The following RASSF3 variants were observed in gnomAD, a reference collection of about 807,000 sequenced individuals.
RASSF3 encodes ras association domain-containing protein 3.
In RASSF3, 19 loss-of-function variants were observed where a neutral mutation model predicts 19.9. That is an observed-to-expected ratio of 0.96 (90% CI 0.67 to 1.40). The LOEUF (loss-of-function observed/expected upper bound fraction) is 1.40. RASSF3 is among the 40% of genes most tolerant of loss of function. RASSF3 has a pLI of 0.00. For missense variants in RASSF3, 306 were observed against 289.8 expected (o/e 1.06, Z -0.41); for synonymous variants, 110 against 104.2 (o/e 1.06, Z -0.34).
At chr12:64,563,694 T>C (rs1306340135) in intron 2 of RASSF3, among the ~76,000 whole-genome samples, 1 of 152,168 alleles carries the variant, frequency 6.6e-6, no homozygotes, top group Non-Finnish European at 1.5e-5. Context: ...AGTCCTGAGG[T>C]CCATTGCGTT....
intron 2 of RASSF3, among the ~76,000 whole-genome samples, chr12:64,569,761 T>G: frequency 1.3e-5 from 2 of 151,372 alleles, no homozygotes; most frequent in Admixed American, 6.6e-5. Context: ...AGATTGGGAG[T>G]TCAAGATCAG....
At chr12:64,601,815 A>T (rs975304132) in intron 2 of RASSF3, among the ~76,000 whole-genome samples, 5 of 151,888 alleles carry the variant, frequency 3.3e-5, no homozygotes, top group African/African-American at 7.3e-5. Flanking sequence ...TCTGTCTCTT[A>T]AAAATAATTA....
At chr12:64,651,918 C>T (rs11175502) in intron 1 of RASSF3, among the ~76,000 whole-genome samples, 9,267 of 152,246 alleles carry the variant, frequency 0.061, 362 homozygotes, top group Non-Finnish European at 0.09. Flanking sequence ...GCCTTGGCCT[C>T]CCAAAGTGCT....
At position 64,642,559 on chromosome 12, in the gene RASSF3, C is replaced by CAA. The variant is rs67771603; in HGVS notation, c.111+31844_111+31845dup. Among the ~76,000 whole-genome samples, 411 of 44,030 alleles carry CAA rather than the reference C, an allele frequency of 9.3e-3. 33 individuals carry two copies. The highest frequency in any genetic ancestry group is 0.015 in the Non-Finnish European group (364 of 24,522). 28.9% of individuals were successfully genotyped at this position (44,030 alleles called of 152,430 possible). A position where few individuals can be genotyped will look rare whatever the true frequency, so the allele number is the denominator to read the frequency against. ...TGGGCGACAGAACGAGACTCCATCT[C>CAA]AAAAAAAAAAAAAAAAAAAAAAAAA... On this transcript the variant is annotated intron_variant, in intron 1 of 4. Transcript: ENST00000542104.
chr12:64,635,894 A>G (rs1184384563), intron 1 of RASSF3, among the ~76,000 whole-genome samples: 1 of 152,174 alleles, frequency 6.6e-6, no homozygotes, highest in African/African-American at 2.4e-5. Context: ...AGGTGAGGAT[A>G]GAGAGGGGGA....
chr12:64,572,401 C>T (rs1455981777), intron 2 of RASSF3, among the ~76,000 whole-genome samples: 3 of 151,856 alleles, frequency 2.0e-5, no homozygotes, highest in African/African-American at 7.3e-5. Flanking sequence ...TAGCCTTCTG[C>T]AAGCCAGGAG....
chr12:64,647,498 C>T (rs533524139), intron 1 of RASSF3, among the ~76,000 whole-genome samples: 1 of 151,642 alleles, frequency 6.6e-6, no homozygotes, highest in East Asian at 1.9e-4. Flanking sequence ...GCAACCTCCG[C>T]CTCCCGATTT....
At chr12:64,661,012 C>T (rs562583130) in intron 1 of RASSF3, among the ~76,000 whole-genome samples, 1 of 152,210 alleles carries the variant, frequency 6.6e-6, no homozygotes, top group South Asian at 2.1e-4. Context: ...CGTGTGCTCT[C>T]AGGGTTTGTT....
At chr12:64,623,198 T>A (rs182400692) in intron 1 of RASSF3, among the ~76,000 whole-genome samples, 4 of 152,220 alleles carry the variant, frequency 2.6e-5, no homozygotes, top group Admixed American at 6.5e-5. Flanking sequence ...AGGAGCAAAA[T>A]TTTTTTAAAT....
chr12:64,618,950 A>G (rs891470763), intron 1 of RASSF3, among the ~76,000 whole-genome samples: 2 of 152,244 alleles, frequency 1.3e-5, no homozygotes, highest in Non-Finnish European at 2.9e-5. Flanking sequence ...AAGAATGTAA[A>G]ATATGATAAT....
intron 3 of RASSF3, among the ~76,000 whole-genome samples, chr12:64,691,152 A>G (rs368662214): frequency 3.3e-5 from 5 of 152,232 alleles, no homozygotes; most frequent in Non-Finnish European, 4.4e-5. Context: ...ATGAGCCACC[A>G]TGCCTGGCTC....
At chr12:64,671,812 TTTCTTCA>T (rs1217460616) in intron 1 of RASSF3, among the ~76,000 whole-genome samples, 4 of 152,370 alleles carry the variant, frequency 2.6e-5, no homozygotes, top group Admixed American at 1.3e-4. Context: ...GAGGGGTATC[TTTCTTCA>T]TTCTTCATTA....
chr12:64,547,350 A>G (rs1189981774), intron 2 of RASSF3, among the ~76,000 whole-genome samples: 2 of 151,888 alleles, frequency 1.3e-5, no homozygotes, highest in Non-Finnish European at 2.9e-5. Context: ...GGCGGATCAC[A>G]AGGTCAAGAG....
chr12:64,519,857 A>T (rs1169735990), intron 1 of RASSF3, among the ~76,000 whole-genome samples: 1 of 152,110 alleles, frequency 6.6e-6, no homozygotes, highest in Non-Finnish European at 1.5e-5. Flanking sequence ...TATATATATA[A>T]GCTCTGAAGA....
intron 1 of RASSF3, among the ~76,000 whole-genome samples, chr12:64,669,890 C>CAAAAAA (rs35671310): frequency 1.9e-5 from 2 of 106,658 alleles, no homozygotes; most frequent in Non-Finnish European, 3.9e-5. Flanking sequence ...TGTAAATTAC[C>CAAAAAA]AAAAAAAAAA....
intron 1 of RASSF3, among the ~76,000 whole-genome samples, chr12:64,615,096 A>G (rs989172753): frequency 1.3e-5 from 2 of 152,206 alleles, no homozygotes; most frequent in African/African-American, 4.8e-5. Flanking sequence ...GCTGTGTTTC[A>G]AAGGATCCAC....
intron 2 of RASSF3, among the ~76,000 whole-genome samples, chr12:64,547,503 G>A (rs1306688970): frequency 6.6e-6 from 1 of 152,082 alleles, no homozygotes; most frequent in African/African-American, 2.4e-5. Context: ...GGAGGCGGAG[G>A]TTGCAGTGAG....
intron 2 of RASSF3, among the ~76,000 whole-genome samples, chr12:64,549,956 C>A (rs1225105587): frequency 6.6e-6 from 1 of 152,128 alleles, no homozygotes; most frequent in Admixed American, 6.5e-5. Context: ...GTCAGATATT[C>A]TTTCATGCTT....
chr12:64,525,184 G>A (rs960683108), intron 1 of RASSF3, among the ~76,000 whole-genome samples: 1 of 152,166 alleles, frequency 6.6e-6, no homozygotes, highest in Non-Finnish European at 1.5e-5. Flanking sequence ...GCTGAGGCAG[G>A]AGAATCACTT....
Sources: gnomAD v4.1 joint callset for allele counts (sites outside exome capture counted in the v4.1 genomes callset) on GRCh38, gnomAD v4.1.1 for gene constraint, MANE v1.5 for transcripts, NCBI Gene and HGNC (gene_info 2026-07-23, HGNC 2026-07-21) for gene names.